ARHGAP20: variants seen among roughly 807,000 people sequenced by gnomAD.
The protein encoded by ARHGAP20 is Rho GTPase activating protein 20.
Under a neutral mutation model 73.7 loss-of-function variants are expected in ARHGAP20, and 34 were observed. That is an observed-to-expected ratio of 0.46 (90% confidence interval 0.35 to 0.61). The LOEUF (loss-of-function observed/expected upper bound fraction) is 0.61. Among genes scored for constraint, ARHGAP20 ranks in the 20% least tolerant of loss-of-function variants. The pLI, the probability that ARHGAP20 is intolerant of heterozygous loss-of-function variation, is 0.00. For synonymous variants in ARHGAP20, 523 were observed against 518.2 expected (o/e 1.01, Z -0.13); for missense variants, 1,314 against 1,420.9 (o/e 0.92, Z 1.21).
intron 2 of ARHGAP20, among the ~76,000 whole-genome samples, chr11:110,645,511 C>T (rs1006394420): frequency 1.3e-5 from 2 of 152,178 alleles, no homozygotes; most frequent in Admixed American, 6.5e-5. Context: ...AACACTTATA[C>T]ACTGTTGGTG....
intron 1 of ARHGAP20, among the ~76,000 whole-genome samples, chr11:110,705,139 C>T (rs541816758): frequency 6.6e-6 from 1 of 152,132 alleles, no homozygotes; most frequent in Admixed American, 6.6e-5. Flanking sequence ...TGTATGTAGT[C>T]CCATAAAGCA....
intron 2 of ARHGAP20, among the ~76,000 whole-genome samples, chr11:110,641,861 T>C (rs1179082534): frequency 1.3e-5 from 2 of 152,044 alleles, no homozygotes; most frequent in Non-Finnish European, 2.9e-5. Context: ...CTCTCTTCAT[T>C]ATCCACTAAG....
intron 1 of ARHGAP20, among the ~76,000 whole-genome samples, chr11:110,693,691 T>C (rs12286253): frequency 0.024 from 3,622 of 152,028 alleles, 152 homozygotes; most frequent in African/African-American, 0.084. Context: ...AAAGAATCTG[T>C]TCTCAGGCAA....
intron 2 of ARHGAP20, among the ~76,000 whole-genome samples, chr11:110,673,994 A>G (rs571251363): frequency 1.9e-3 from 292 of 151,142 alleles, no homozygotes; most frequent in African/African-American, 6.8e-3. Flanking sequence ...GCTTGAGTGC[A>G]GTGGCATGAT....
Position 110,678,178 on chromosome 11 carries a change from A to G in ARHGAP20, c.188+12369T>C, listed in dbSNP as rs185900259. Among the ~76,000 whole-genome samples, 42 of 152,314 alleles carry G rather than the reference A, an allele frequency of 2.8e-4. 1 individual carries two copies. Among genetic ancestry groups the G allele is most frequent in the Admixed American group, 2.6e-3 (40 of 15,298 alleles). ...AGAGTCAAAGTTATAAACATAGACA[A>G]CAGTTGAGTGGTTGCTTAGAGCTGG... On this transcript the variant is annotated intron_variant, in intron 2 of 14. Transcript: ENST00000683387.
At chr11:110,670,223 A>G (rs1339366475) in intron 2 of ARHGAP20, among the ~76,000 whole-genome samples, 1 of 152,122 alleles carries the variant, frequency 6.6e-6, no homozygotes, top group African/African-American at 2.4e-5. Flanking sequence ...TTATACTTCA[A>G]TAAATCTCTC....
At chr11:110,636,757 GT>G (rs1948977223) in intron 2 of ARHGAP20, among the ~76,000 whole-genome samples, 1 of 151,850 alleles carries the variant, frequency 6.6e-6, no homozygotes, top group African/African-American at 2.4e-5. Context: ...CAACTTTTGT[GT>G]TTTTTAATAC....
rs142490183 is a variant in ARHGAP20, at chr11:110,687,035, C to CATATATATAT, written c.188+3502_188+3511dup. Among the ~76,000 whole-genome samples, 299 of 121,994 alleles carry CATATATATAT rather than the reference C, an allele frequency of 2.5e-3. 15 individuals carry two copies. Among genetic ancestry groups the CATATATATAT allele is most frequent in the African/African-American group, 8.8e-3 (263 of 29,770 alleles). The allele number at this position is 121,994 out of a possible 152,430, so 80.0% of individuals were successfully genotyped here. ...GCAGGAAATTAACTGAAGATTAAAA[C>CATATATATAT]ATATATATATATATATATATAGACA... On this transcript the variant is annotated intron_variant, in intron 2 of 14. Transcript: ENST00000683387.
chr11:110,707,724 A>T (rs529347885), intron 1 of ARHGAP20, among the ~76,000 whole-genome samples: 8 of 152,256 alleles, frequency 5.3e-5, no homozygotes, highest in African/African-American at 1.9e-4. Context: ...TTTAAGCCAT[A>T]AGAGAGTTAA....
chr11:110,651,758 A>T (rs562336392), intron 2 of ARHGAP20, among the ~76,000 whole-genome samples: 5 of 151,802 alleles, frequency 3.3e-5, no homozygotes, highest in South Asian at 2.1e-4. Context: ...AAAAAAAAAA[A>T]AAATAAAACC....
chr11:110,622,206 A>C (rs1948644494), intron 4 of ARHGAP20, among the ~76,000 whole-genome samples: 1 of 152,172 alleles, frequency 6.6e-6, no homozygotes, highest in African/African-American at 2.4e-5. Flanking sequence ...ATGTAACTGT[A>C]CCCTGCTCTC....
chr11:110,593,188 G>A (rs1383124966), intron 9 of ARHGAP20, among the ~76,000 whole-genome samples: 2 of 151,318 alleles, frequency 1.3e-5, no homozygotes, highest in African/African-American at 2.4e-5. Context: ...AATTGAGGAG[G>A]GATTTAAGTA....
intron 6 of ARHGAP20, among the ~76,000 whole-genome samples, chr11:110,613,037 C>G (rs1565438606): frequency 6.6e-6 from 1 of 152,118 alleles, no homozygotes; most frequent in Non-Finnish European, 1.5e-5. Flanking sequence ...AGAAACTCTC[C>G]CATGAAGTCT....
intron 2 of ARHGAP20, among the ~76,000 whole-genome samples, chr11:110,651,478 G>T (rs1216384056): frequency 1.3e-5 from 2 of 151,704 alleles, no homozygotes; most frequent in South Asian, 4.1e-4. Flanking sequence ...TAGACTGCTA[G>T]CTAGACTAAC....
intron 2 of ARHGAP20, among the ~76,000 whole-genome samples, chr11:110,649,894 G>A (rs1949311203): frequency 6.6e-6 from 1 of 151,812 alleles, no homozygotes; most frequent in Non-Finnish European, 1.5e-5. Context: ...GAATGAAATA[G>A]GTCATAATGA....
At chr11:110,692,547 A>G (rs1219251829) in intron 1 of ARHGAP20, among the ~76,000 whole-genome samples, 1 of 152,044 alleles carries the variant, frequency 6.6e-6, no homozygotes, top group Non-Finnish European at 1.5e-5. Context: ...TGCTTTCTCT[A>G]ACCTTCTGAA....
chr11:110,584,951 A>ATGAATATATATG (rs1555082393), intron 12 of ARHGAP20, among the ~76,000 whole-genome samples: 4 of 93,786 alleles, frequency 4.3e-5, no homozygotes, highest in African/African-American at 1.3e-4. Context: ...ATATGAATAT[A>ATGAATATATATG]TGAATATATG....
chr11:110,675,756 G>C (rs11213529), intron 2 of ARHGAP20, among the ~76,000 whole-genome samples: 1 of 152,154 alleles, frequency 6.6e-6, no homozygotes, highest in African/African-American at 2.4e-5. Flanking sequence ...CCCTGTGCTA[G>C]AGGACTCCTA....
rs566287868 is a variant in ARHGAP20, at chr11:110,655,700, G to C, written c.189-24908C>G. Among the ~76,000 whole-genome samples, 553 of 152,254 alleles carry C rather than the reference G, an allele frequency of 3.6e-3. 3 individuals carry two copies. Among genetic ancestry groups the C allele is most frequent in the African/African-American group, 0.012 (517 of 41,558 alleles). On this transcript the variant is annotated intron_variant, in intron 2 of 14. Transcript: ENST00000683387. The stretch of plus-strand genomic sequence containing the variant: ...AGAGGCAGGTCTTTGAAGTGGGTGA[G>C]AGTATCTATCTCTGATCTCTCACTC...
Sources: allele counts gnomAD v4.1 joint callset (sites outside exome capture counted in the v4.1 genomes callset), GRCh38; gene constraint gnomAD v4.1.1; transcripts MANE v1.5; gene names NCBI Gene and HGNC (gene_info 2026-07-23, HGNC 2026-07-21).